The following CDH11 variants were observed in gnomAD, a reference collection of about 807,000 sequenced individuals.
CDH11 encodes the protein cadherin-11.
A neutral mutation model predicts 67.8 loss-of-function variants in CDH11; 11 were observed. The observed-to-expected ratio is 0.16, with a 90% CI of 0.10 to 0.27. The LOEUF is 0.27. Ranked by LOEUF, CDH11 falls within the 10% of genes least tolerant of loss-of-function variation. CDH11 has a pLI of 1.00. For synonymous variants in CDH11, 419 were observed against 400.0 expected (o/e 1.05, Z -0.57); for missense variants, 847 against 1,031.2 (o/e 0.82, Z 2.45).
intron 1 of CDH11, among the ~76,000 whole-genome samples, chr16:65,113,157 G>A (rs1310998644): frequency 2.6e-5 from 4 of 151,968 alleles, no homozygotes; most frequent in South Asian, 2.1e-4. Flanking sequence ...GTGGTGGCAC[G>A]TGCCTATAGT....
rs80233252 is a variant in CDH11 at position 65,097,714 on chromosome 16, C to T, written c.-298+24166G>A. ...CAGCTCTATGAATTAGGAAACACAC[C>T]CCTGTAATCAGTCCTATAACAAAGA... On this transcript the variant is annotated intron_variant, in intron 1 of 12. Coordinates refer to ENST00000268603, the MANE Select transcript of CDH11 (RefSeq NM_001797.4). Among the ~76,000 whole-genome samples, 295 of 152,132 alleles carry T rather than the reference C, an allele frequency of 1.9e-3. 10 individuals are homozygous for T. The East Asian group carries it at 0.042, about 22-fold the overall frequency.
chr16:64,945,840 A>C lies in CDH11; in HGVS notation c.*1763T>G, dbSNP rs918919612. 9.5e-7 allele frequency: 1 copy of C among 1,052,340 alleles called. No homozygotes were observed. The highest frequency in any genetic ancestry group is 1.7e-5 in the African/African-American group (1 of 60,350). 65.2% of individuals were successfully genotyped at this position (1,052,340 alleles called of 1,614,324 possible). A position where few individuals can be genotyped will look rare whatever the true frequency, so the allele number is the denominator to read the frequency against. ...TGCTTGAAACAAACTTTCACAATAA[A>C]GTCAGAAAAAAACTGTAAAAATTGT... On this transcript the variant is annotated 3_prime_UTR_variant, in exon 13 of 13. Coordinates refer to ENST00000268603, the MANE Select transcript of CDH11 (RefSeq NM_001797.4).
rs1172148652 is a variant in CDH11 at position 64,948,141 on chromosome 16, G to C, written c.1895-42C>G. 26 of 1,572,406 alleles carry C rather than the reference G, an allele frequency of 1.7e-5. No individual in the cohort carries two copies. In the Admixed American group the frequency reaches 4.6e-4, roughly 28 times the overall value. On this transcript the variant is annotated intron_variant, in intron 12 of 12. Transcript: ENST00000268603. ...AGAAGGTAAGCATTCGTTAAGTCCA[G>C]TATTCCTGGGTTCTTCTGCCAGAGG...
At chr16:65,048,795 C>T (rs2074006372) in intron 2 of CDH11, among the ~76,000 whole-genome samples, 1 of 151,964 alleles carries the variant, frequency 6.6e-6, no homozygotes, top group East Asian at 1.9e-4. Context: ...TATATATACA[C>T]ACACACAACG....
chr16:64,968,490 A>G, intron 11 of CDH11: 1 of 985,192 alleles, frequency 1.0e-6, no homozygotes, highest in Non-Finnish European at 1.2e-6. Context: ...TGATATTAAC[A>G]GCCCAAGATG....
At chr16:65,003,103 T>C (rs948260461) in intron 3 of CDH11, among the ~76,000 whole-genome samples, 26 of 149,478 alleles carry the variant, frequency 1.7e-4, no homozygotes, top group African/African-American at 6.3e-4. Flanking sequence ...TTTTTTGAGA[T>C]GGAGGCCTTT....
intron 1 of CDH11, chr16:65,119,026 C>T (rs1188824220): frequency 6.6e-6 from 1 of 152,144 alleles, no homozygotes; most frequent in Admixed American, 6.5e-5. Context: ...CAGGCATTCA[C>T]AGGCAAGGTT....
chr16:65,038,520 T>C lies in CDH11; in HGVS notation c.-173+15284A>G, dbSNP rs970458980. On this transcript the variant is annotated intron_variant, in intron 2 of 12. Coordinates refer to ENST00000268603, the MANE Select transcript of CDH11 (RefSeq NM_001797.4). ...AAACATGCAACTTACAATAGAAATG[T>C]GTATCTACTCCTTCCACAAAGGAGA... Among the ~76,000 whole-genome samples, 3 of 152,190 alleles carry C rather than the reference T, an allele frequency of 2.0e-5. No homozygotes were observed. The East Asian group carries it at 5.8e-4, about 29-fold the overall frequency.
Position 65,029,819 on chromosome 16 carries a change from T to A in CDH11, c.-173+23985A>T, listed in dbSNP as rs181676613. On this transcript the variant is annotated intron_variant, in intron 2 of 12. Coordinates refer to ENST00000268603, the MANE Select transcript of CDH11 (RefSeq NM_001797.4). ...TCCTACACAACACAAACCTACAGCA[T>A]TTTTTAGAGAGAACCTGGCCTCAAT... 2.6e-5 allele frequency among the ~76,000 whole-genome samples: 4 copies of A among 152,310 alleles called. No individual in the cohort carries two copies. In the East Asian group the frequency reaches 7.7e-4, roughly 29 times the overall value.
chr16:64,991,597 T>C (rs2072630489), intron 6 of CDH11, 171 bp downstream of exon 6: 1 of 529,126 alleles, frequency 1.9e-6, no homozygotes, highest in African/African-American at 1.9e-5. Context: ...CCGACATTGT[T>C]GTTGTTGTTG....
In CDH11 at chr16:65,005,057, G is replaced by A; in HGVS notation, c.-172-16C>T. On this transcript the variant is annotated splice_polypyrimidine_tract_variant and intron_variant, in intron 2 of 12. Transcript: ENST00000268603. ...CAGTTAGCTTCTGCAAGCAGAGAGA[G>A]GTTGGATTAACTGCAGGCCAAATCC... 1 of 1,337,202 alleles carries A rather than the reference G, an allele frequency of 7.5e-7. No individual in the cohort carries two copies. Among genetic ancestry groups the A allele is most frequent in the Non-Finnish European group, 9.6e-7 (1 of 1,046,880 alleles). The allele number at this position is 1,337,202 out of a possible 1,614,324, so 82.8% of individuals were successfully genotyped here.
At chr16:65,101,410 C>T (rs1455766434) in intron 1 of CDH11, among the ~76,000 whole-genome samples, 1 of 152,186 alleles carries the variant, frequency 6.6e-6, no homozygotes, top group African/African-American at 2.4e-5. Flanking sequence ...TTAGGGGACC[C>T]CACTCCCAGG....
intron 1 of CDH11, among the ~76,000 whole-genome samples, chr16:65,088,339 T>C (rs1312555084): frequency 6.6e-6 from 1 of 152,236 alleles, no homozygotes; most frequent in Non-Finnish European, 1.5e-5. Context: ...ATAAGACAAC[T>C]GAATAATGAA....
At chr16:65,064,803 TAGA>T (rs961814412) in intron 1 of CDH11, among the ~76,000 whole-genome samples, 2 of 152,152 alleles carry the variant, frequency 1.3e-5, no homozygotes, top group East Asian at 1.9e-4. Context: ...TAGCAGAAAG[TAGA>T]AGGAGTCAAA....
At chr16:65,094,235 T>C (rs1211812592) in intron 1 of CDH11, among the ~76,000 whole-genome samples, 1 of 152,188 alleles carries the variant, frequency 6.6e-6, no homozygotes, top group African/African-American at 2.4e-5. Context: ...TTATGACACA[T>C]AGTGTTCTTT....
At chr16:64,965,771 A>AACACACACACACAC (rs55992835) in intron 11 of CDH11, among the ~76,000 whole-genome samples, 5 of 145,992 alleles carry the variant, frequency 3.4e-5, no homozygotes, top group Non-Finnish European at 7.5e-5. Context: ...CGGTGCATGA[A>AACACACACACACAC]ACACACACAC....
At chr16:64,957,512 G>C (rs1037130471) in intron 11 of CDH11, among the ~76,000 whole-genome samples, 1 of 151,706 alleles carries the variant, frequency 6.6e-6, no homozygotes, top group Non-Finnish European at 1.5e-5. Context: ...TGATTACTTT[G>C]CTCTGGCCTA....
At chr16:65,054,724 T>C (rs926058468) in intron 1 of CDH11, among the ~76,000 whole-genome samples, 1 of 152,198 alleles carries the variant, frequency 6.6e-6, no homozygotes, top group Non-Finnish European at 1.5e-5. Flanking sequence ...CCAGCTGGCA[T>C]AGCTTCCATA....
chr16:65,096,512 T>A (rs1409337967), intron 1 of CDH11, among the ~76,000 whole-genome samples: 1 of 150,828 alleles, frequency 6.6e-6, no homozygotes, highest in African/African-American at 2.4e-5. Flanking sequence ...TGTGTATATA[T>A]GCATATTTGT....
Sources: allele counts gnomAD v4.1 joint callset (sites outside exome capture counted in the v4.1 genomes callset), GRCh38; gene constraint gnomAD v4.1.1; transcripts MANE v1.5; gene names NCBI Gene and HGNC (gene_info 2026-07-23, HGNC 2026-07-21).